CSDE1: variants seen among roughly 807,000 people sequenced by gnomAD.
CSDE1 encodes the protein cold shock domain containing E1.
A neutral mutation model predicts 89.3 loss-of-function variants in CSDE1; 17 were observed. The ratio of observed to expected loss-of-function variants is 0.19; its 90% confidence interval spans 0.13 to 0.29. The LOEUF is 0.29. Ranked by LOEUF, CSDE1 falls within the 10% of genes least tolerant of loss-of-function variation. The pLI is 1.00. For synonymous variants in CSDE1, 322 were observed against 332.8 expected (o/e 0.97, Z 0.35); for missense variants, 672 against 984.2 (o/e 0.68, Z 4.24).
intron 1 of CSDE1, among the ~76,000 whole-genome samples, chr1:114,754,107 G>GC (rs1661459639): frequency 6.6e-6 from 1 of 152,176 alleles, no homozygotes; most frequent in Non-Finnish European, 1.5e-5. Context: ...TCCTGCCTCA[G>GC]CCTCCCCAGT....
At chr1:114,723,179 G>A (rs1659618402) in intron 16 of CSDE1, among the ~76,000 whole-genome samples, 1 of 152,040 alleles carries the variant, frequency 6.6e-6, no homozygotes, top group Admixed American at 6.6e-5. Flanking sequence ...ATCTTTGGTT[G>A]GAATACTCAA....
At chr1:114,726,177 G>A (rs375236563) in intron 14 of CSDE1, 34 bp downstream of exon 14, 2 of 1,560,010 alleles carry the variant, frequency 1.3e-6, no homozygotes, top group African/African-American at 1.4e-5. Context: ...TGGATGGTAA[G>A]TTAGCTGTAA....
At chr1:114,757,335 T>C (rs1661657696) in intron 1 of CSDE1, among the ~76,000 whole-genome samples, 1 of 152,074 alleles carries the variant, frequency 6.6e-6, no homozygotes, top group Non-Finnish European at 1.5e-5. Flanking sequence ...GGTCTCAGTC[T>C]ATACACAAAG....
intron 2 of CSDE1, among the ~76,000 whole-genome samples, chr1:114,746,313 A>G (rs1288321629): frequency 6.6e-6 from 1 of 152,224 alleles, no homozygotes; most frequent in African/African-American, 2.4e-5. Flanking sequence ...CTGAAGTTTT[A>G]TAACTTTGTA....
chr1:114,718,120 T>TC lies in CSDE1; in HGVS notation c.*48dup. ...AGATATTCAGAACCCTTCACCAGAT[T>TC]CCCCCCAACTTGATCATAGTGGATT... is the stretch of plus-strand genomic sequence containing the variant. On this transcript the variant is annotated 3_prime_UTR_variant, in exon 20 of 20. Coordinates refer to ENST00000358528, the MANE Select transcript of CSDE1 (RefSeq NM_001007553.3). The TC allele has an allele frequency of 6.3e-7, 1 of 1,599,618 alleles. No individual in the cohort carries two copies. Among genetic ancestry groups the TC allele is most frequent in the East Asian group, 2.2e-5 (1 of 44,782 alleles).
intron 12 of CSDE1, 120 bp from the exon 13 acceptor site, chr1:114,727,210 A>C: frequency 1.6e-6 from 1 of 614,648 alleles, no homozygotes; most frequent in South Asian, 2.4e-5. Context: ...AAAATGTCTT[A>C]TTCCAGCATT....
chr1:114,725,194 GC>G (rs1475889455), intron 15 of CSDE1, 26 bp downstream of exon 15: 1 of 1,566,286 alleles, frequency 6.4e-7, no homozygotes, highest in Non-Finnish European at 8.8e-7. Context: ...AAAAGCACAG[GC>G]TGAATAAGAA....
chr1:114,719,239 G>A (rs767941523), intron 18 of CSDE1, among the ~76,000 whole-genome samples: 3 of 152,210 alleles, frequency 2.0e-5, no homozygotes, highest in Middle Eastern at 3.2e-3. Flanking sequence ...GGCCCAGGGG[G>A]TTGAGTCTGC....
At chr1:114,729,853 C>T (rs1398887660) in intron 12 of CSDE1, among the ~76,000 whole-genome samples, 1 of 152,126 alleles carries the variant, frequency 6.6e-6, no homozygotes, top group Non-Finnish European at 1.5e-5. Flanking sequence ...AGGATACACC[C>T]AACTTTGAAA....
intron 12 of CSDE1, 89 bp downstream of exon 12, chr1:114,730,169 G>T: frequency 7.2e-7 from 1 of 1,394,010 alleles, no homozygotes; most frequent in Non-Finnish European, 9.8e-7. Context: ...ACAAACTTCC[G>T]CTGATTATAT....
At chr1:114,731,842 T>C (rs1049201767) in intron 10 of CSDE1, among the ~76,000 whole-genome samples, 3 of 152,176 alleles carry the variant, frequency 2.0e-5, no homozygotes, top group African/African-American at 7.2e-5. Flanking sequence ...TTTGAGACAG[T>C]CTTCCTCTGT....
chr1:114,718,157 T>C lies in CSDE1; in HGVS notation c.*12A>G, dbSNP rs183844328. On this transcript the variant is annotated 3_prime_UTR_variant, in exon 20 of 20. Transcript: ENST00000358528. Reference sequence around the variant, plus strand: ...GATCATAGTGGATTAATGGTGTGCTTTGTGGATGTGGTTAGTCAATGACAC... The same window carrying C: ...GATCATAGTGGATTAATGGTGTGCTCTGTGGATGTGGTTAGTCAATGACAC... The C allele has an allele frequency of 6.2e-6, 10 of 1,614,088 alleles. No individual in the cohort carries two copies. Among genetic ancestry groups the C allele is most frequent in the Non-Finnish European group, 8.5e-6 (10 of 1,179,948 alleles).
intron 15 of CSDE1, chr1:114,724,211 C>T: frequency 2.8e-6 from 1 of 362,864 alleles, no homozygotes. Context: ...CCTGCTTTTC[C>T]TAAATAGAAT....
At position 114,739,855 on chromosome 1, in the gene CSDE1, T is replaced by C. The variant is rs748329765; in HGVS notation, c.36A>G (p.Gly12=). The C allele has an allele frequency of 3.1e-6, 5 of 1,614,078 alleles. No homozygotes were observed. The highest frequency in any genetic ancestry group is 4.2e-6 in the Non-Finnish European group (5 of 1,179,988). ...SFDPNLLHNN[G]HNGYPNGTSA... ...AAGTACCATTAGGGTACCCATTATG[T>C]CCATTGTTGTGGAGAAGGTTTGGAT... Residue 12 remains glycine (G), a synonymous_variant, in exon 3 of 20, where the codon GGA becomes GGG. Transcript: ENST00000358528.
chr1:114,722,135 G>A lies in CSDE1; in HGVS notation c.1874-1418C>T, dbSNP rs915793219. 3.3e-5 allele frequency among the ~76,000 whole-genome samples: 5 copies of A among 152,132 alleles called. No homozygotes were observed. In the South Asian group the frequency reaches 1.0e-3, roughly 32 times the overall value. Reference sequence around the variant, plus strand: ...GACCTTCAGGTGATCTGCCTGCCTTGGCTTCCCAAAGTGCTGGGATTACAG... The same window carrying A: ...GACCTTCAGGTGATCTGCCTGCCTTAGCTTCCCAAAGTGCTGGGATTACAG... On this transcript the variant is annotated intron_variant, in intron 16 of 19. Coordinates refer to ENST00000358528, the MANE Select transcript of CSDE1 (RefSeq NM_001007553.3).
At chr1:114,749,411 A>T (rs1269725956) in intron 2 of CSDE1, among the ~76,000 whole-genome samples, 1 of 152,216 alleles carries the variant, frequency 6.6e-6, no homozygotes, top group Non-Finnish European at 1.5e-5. Flanking sequence ...GTAGGCATGG[A>T]TATAAAGTAA....
intron 4 of CSDE1, 49 bp downstream of exon 4, chr1:114,737,912 GAT>G (rs1170252934): frequency 2.5e-6 from 3 of 1,182,876 alleles, no homozygotes; most frequent in Non-Finnish European, 3.8e-6. Context: ...TAATGTGAAA[GAT>G]ATGCAAATGC....
chr1:114,746,567 T>C (rs1661021924), intron 2 of CSDE1: 2 of 152,184 alleles, frequency 1.3e-5, no homozygotes, highest in African/African-American at 2.4e-5. Flanking sequence ...CACAGAGTTG[T>C]TGAGATGGTT....
chr1:114,742,513 C>T (rs900028129), intron 2 of CSDE1, among the ~76,000 whole-genome samples: 3 of 152,092 alleles, frequency 2.0e-5, no homozygotes, highest in South Asian at 2.1e-4. Context: ...ACCCAGGAGG[C>T]GGAGGTTGCA....
Sources: allele counts gnomAD v4.1 joint callset (sites outside exome capture counted in the v4.1 genomes callset), GRCh38; gene constraint gnomAD v4.1.1; transcripts MANE v1.5; gene names NCBI Gene and HGNC (gene_info 2026-07-23, HGNC 2026-07-21).